Variants in REEP1 observed in about 807,000 individuals in gnomAD.
The protein encoded by REEP1 is receptor expression-enhancing protein 1.
Under a neutral mutation model 40.3 loss-of-function variants are expected in REEP1, and 22 were observed. The observed-to-expected ratio is 0.55, with a 90% confidence interval of 0.39 to 0.78. REEP1 has a LOEUF of 0.78. Among genes scored for constraint, REEP1 ranks in the 30% least tolerant of loss-of-function variants. REEP1 has a pLI of 0.00. For missense variants in REEP1, 280 were observed against 361.1 expected (o/e 0.78, Z 1.82); for synonymous variants, 116 against 139.2 (o/e 0.83, Z 1.17).
intron 1 of REEP1, among the ~76,000 whole-genome samples, chr2:86,300,377 C>T (rs1679204739): frequency 6.6e-6 from 1 of 152,096 alleles, no homozygotes; most frequent in Admixed American, 6.5e-5. Context: ...TCCAGGCCCT[C>T]AACAGTCAGG....
At chr2:86,245,790 AGTCTCACTCC>A (rs1472353639) in intron 5 of REEP1, among the ~76,000 whole-genome samples, 1 of 146,010 alleles carries the variant, frequency 6.8e-6, no homozygotes. Flanking sequence ...TTTGAGACAG[AGTCTCACTCC>A]GTCTCCCAGG....
intron 3 of REEP1, among the ~76,000 whole-genome samples, chr2:86,259,419 C>T (rs1242320472): frequency 1.3e-5 from 2 of 151,482 alleles, no homozygotes; most frequent in Non-Finnish European, 2.9e-5. Flanking sequence ...CAGAGTTTCA[C>T]TCTGTCGCCA....
rs371051966 is a variant in REEP1 at position 86,305,669 on chromosome 2, C to A, written c.33-23427G>T. ...CCTGGTCCCCCACTGAAGACCCCTG[C>A]CCTCTGTACCACCATCTGCCACTCA... On this transcript the variant is annotated intron_variant, in intron 1 of 8. Transcript: ENST00000538924. Among the ~76,000 whole-genome samples the A allele has an allele frequency of 5.3e-4, 80 of 152,310 alleles. No individual in the cohort carries two copies. In the South Asian group the frequency reaches 9.3e-3, roughly 18 times the overall value.
At chr2:86,264,149 G>T in intron 2 of REEP1, 108 bp from the exon 3 acceptor site, 1 of 797,986 alleles carries the variant, frequency 1.3e-6, no homozygotes. Context: ...CGTCCAGGTG[G>T]TGCAGCCTGC....
chr2:86,214,778 CAG>C lies in REEP1; in HGVS notation c.*2259_*2260del, dbSNP rs1317952026. On this transcript the variant is annotated 3_prime_UTR_variant, in exon 9 of 9. Transcript: ENST00000538924. ...AAAAATAGTTACATTTACATTAAGA[CAG>C]AGTTTGGATACCTTTATATTTTTCA... 2 of 152,624 alleles carry C rather than the reference CAG, an allele frequency of 1.3e-5. No individual in the cohort carries two copies. Among genetic ancestry groups the C allele is most frequent in the Admixed American group, 6.5e-5 (1 of 15,282 alleles). The allele number at this position is 152,624 out of a possible 1,614,324, so 9.5% of individuals were successfully genotyped here.
At chr2:86,260,736 G>A (rs929284229) in intron 3 of REEP1, among the ~76,000 whole-genome samples, 9 of 152,168 alleles carry the variant, frequency 5.9e-5, no homozygotes, top group African/African-American at 2.2e-4. Context: ...CCAACAACCT[G>A]AATGGGCCTG....
At chr2:86,282,103 T>C in intron 2 of REEP1, 67 bp downstream of exon 2, 1 of 1,079,406 alleles carries the variant, frequency 9.3e-7, no homozygotes, top group African/African-American at 1.5e-5. Flanking sequence ...GGGCATCCCC[T>C]TCTCCCAACA....
At chr2:86,241,902 C>T (rs1004321224) in intron 5 of REEP1, among the ~76,000 whole-genome samples, 2 of 152,144 alleles carry the variant, frequency 1.3e-5, no homozygotes, top group Middle Eastern at 3.2e-3. Flanking sequence ...ACCCTGAGCC[C>T]AGGGGAGCGT....
intron 1 of REEP1, among the ~76,000 whole-genome samples, chr2:86,315,562 A>G (rs1329184463): frequency 6.6e-6 from 1 of 152,242 alleles, no homozygotes; most frequent in African/African-American, 2.4e-5. Context: ...ACTCAAGACC[A>G]GATGATAGAG....
intron 1 of REEP1, among the ~76,000 whole-genome samples, chr2:86,315,624 G>C (rs543183342): frequency 6.6e-6 from 1 of 152,270 alleles, no homozygotes; most frequent in African/African-American, 2.4e-5. Flanking sequence ...TGCTGCACAG[G>C]GGGTACTCAG....
At chr2:86,308,987 TC>T (rs1679630673) in intron 1 of REEP1, among the ~76,000 whole-genome samples, 1 of 152,106 alleles carries the variant, frequency 6.6e-6, no homozygotes, top group Non-Finnish European at 1.5e-5. Flanking sequence ...TCACTCCTCC[TC>T]CTCTGCTGAC....
intron 1 of REEP1, among the ~76,000 whole-genome samples, chr2:86,306,709 C>T (rs1241943373): frequency 6.6e-6 from 1 of 152,062 alleles, no homozygotes; most frequent in Non-Finnish European, 1.5e-5. Context: ...CTCAAAGACC[C>T]TAATAGAACA....
At chr2:86,258,308 A>G (rs1676679758) in intron 3 of REEP1, among the ~76,000 whole-genome samples, 1 of 152,242 alleles carries the variant, frequency 6.6e-6, no homozygotes, top group African/African-American at 2.4e-5. Context: ...TTATAAATAA[A>G]GTTTTATTAG....
At chr2:86,313,669 A>G (rs1187227253) in intron 1 of REEP1, among the ~76,000 whole-genome samples, 1 of 151,976 alleles carries the variant, frequency 6.6e-6, no homozygotes, top group African/African-American at 2.4e-5. Context: ...ACTAATGCCC[A>G]CCTCCCCAGT....
At chr2:86,254,313 G>C (rs1676429697) in intron 4 of REEP1, among the ~76,000 whole-genome samples, 2 of 152,100 alleles carry the variant, frequency 1.3e-5, no homozygotes, top group Admixed American at 6.6e-5. Flanking sequence ...TTACAGGCAT[G>C]CACCACCACA....
chr2:86,311,791 C>T (rs115295572), intron 1 of REEP1, among the ~76,000 whole-genome samples: 1,961 of 152,248 alleles, frequency 0.013, 46 homozygotes, highest in African/African-American at 0.044. Context: ...CCAATGTAGA[C>T]ACTGAGTATC....
At chr2:86,220,232 G>A in intron 7 of REEP1, 111 bp from the exon 8 acceptor site, 2 of 701,380 alleles carry the variant, frequency 2.9e-6, no homozygotes, top group Non-Finnish European at 2.0e-6. Flanking sequence ...AACCAGGCCT[G>A]TGAGGACAGC....
intron 2 of REEP1, among the ~76,000 whole-genome samples, chr2:86,276,502 T>C (rs1461447983): frequency 6.6e-6 from 1 of 152,234 alleles, no homozygotes; most frequent in Non-Finnish European, 1.5e-5. Flanking sequence ...AATAGGCTGA[T>C]GCTTTGGGGA....
chr2:86,250,921 C>T (rs1047534828), intron 5 of REEP1, among the ~76,000 whole-genome samples: 7 of 152,092 alleles, frequency 4.6e-5, no homozygotes, highest in African/African-American at 9.7e-5. Context: ...TCCTGCCATC[C>T]GCACAATGTT....
Sources: allele counts gnomAD v4.1 joint callset (sites outside exome capture counted in the v4.1 genomes callset), GRCh38; gene constraint gnomAD v4.1.1; transcripts MANE v1.5; gene names NCBI Gene and HGNC (gene_info 2026-07-23, HGNC 2026-07-21).